Variants in CDC40 observed in about 807,000 individuals in gnomAD.
CDC40 encodes the protein cell division cycle 40, also known as pre-mRNA-processing factor 17.
CDC40 carries 27 observed loss-of-function variants against 80.6 expected under a neutral mutation model. The ratio of observed to expected loss-of-function variants is 0.33; its 90% CI spans 0.25 to 0.46. CDC40 has a LOEUF of 0.46. Among genes scored for constraint, CDC40 ranks in the 20% least tolerant of loss-of-function variants. CDC40 has a pLI of 1.00. For missense variants in CDC40, 486 were observed against 694.1 expected, an observed-to-expected ratio of 0.70 and a Z score of 3.37; for synonymous variants, 221 against 232.6, an observed-to-expected ratio of 0.95 and a Z score of 0.45.
Position 110,193,214 on chromosome 6 carries a change from T to A in CDC40, c.222T>A (p.Pro74=), listed in dbSNP as rs371145621. 11 of 1,609,664 alleles carry A rather than the reference T, an allele frequency of 6.8e-6. No homozygotes were observed. The highest frequency in any genetic ancestry group is 8.5e-6 in the Non-Finnish European group (10 of 1,175,980). Residue 74 remains proline (P), a synonymous_variant, in exon 2 of 15, where the codon CCT becomes CCA. Transcript: ENST00000307731. ...EDLETGVHLD[P]AVKEVQYNPT... ...TGGAGACTGGAGTTCACCTTGACCC[T>A]GCCGTCAAAGAAGTTCAGTATAATC... is the stretch of plus-strand genomic sequence containing the variant.
intron 2 of CDC40, chr6:110,198,830 T>C (rs1777453155): frequency 6.6e-6 from 1 of 152,232 alleles, no homozygotes; most frequent in Non-Finnish European, 1.5e-5. Flanking sequence ...CTCAGTTAAC[T>C]ACCAAAACTT....
At chr6:110,189,394 G>T (rs182969397) in intron 1 of CDC40, among the ~76,000 whole-genome samples, 32 of 152,290 alleles carry the variant, frequency 2.1e-4, no homozygotes, top group Admixed American at 1.4e-3. Context: ...CTGGCACATA[G>T]TAGGCACACA....
At chr6:110,206,820 T>A (rs558862847) in intron 3 of CDC40, among the ~76,000 whole-genome samples, 3 of 152,356 alleles carry the variant, frequency 2.0e-5, no homozygotes, top group Admixed American at 2.0e-4. Context: ...AAATGGTTTC[T>A]AGATTTCCAA....
chr6:110,213,517 G>C (rs1264403378), intron 8 of CDC40, among the ~76,000 whole-genome samples: 2 of 151,534 alleles, frequency 1.3e-5, no homozygotes, highest in African/African-American at 4.9e-5. Context: ...GGCCTCCCCA[G>C]TAGCTAGGAC....
At chr6:110,210,969 C>A (rs1777630246) in intron 6 of CDC40, 166 bp downstream of exon 6, 2 of 305,254 alleles carry the variant, frequency 6.6e-6, no homozygotes, top group Non-Finnish European at 1.3e-5. Context: ...CAGCAGACTT[C>A]TGTATACTGA....
At position 110,211,918 on chromosome 6, in the gene CDC40, G is replaced by A. The variant is rs559710373; in HGVS notation, c.728-215G>A. 4 of 488,756 alleles carry A rather than the reference G, an allele frequency of 8.2e-6. 1 individual carries two copies. The highest frequency in any genetic ancestry group is 3.4e-5 in the East Asian group (1 of 29,278). 30.3% of individuals were successfully genotyped at this position (488,756 alleles called of 1,614,324 possible). A position where few individuals can be genotyped will look rare whatever the true frequency, so the allele number is the denominator to read the frequency against. On this transcript the variant is annotated intron_variant, in intron 6 of 14. Coordinates refer to ENST00000307731, the MANE Select transcript of CDC40 (RefSeq NM_015891.3). The stretch of plus-strand genomic sequence containing the variant: ...AAGGTCTATAATCTCTGGATATTTA[G>A]GAATTTCGAAATACTACCTCTAGTT...
Position 110,229,465 on chromosome 6 carries a change from G to A in CDC40, c.1562+489G>A, listed in dbSNP as rs180941847. On this transcript the variant is annotated intron_variant, in intron 14 of 14. Transcript: ENST00000307731. Reference sequence around the variant, plus strand: ...CTACAGCATGGTTCTTAGTTAAAATGTATAGGCAGAAGTAATTTAGAAATC... The same window carrying A: ...CTACAGCATGGTTCTTAGTTAAAATATATAGGCAGAAGTAATTTAGAAATC... 3.2e-3 allele frequency among the ~76,000 whole-genome samples: 482 copies of A among 152,306 alleles called. 2 individuals carry two copies. Among genetic ancestry groups the A allele is most frequent in the Non-Finnish European group, 4.7e-3 (321 of 68,004 alleles).
At chr6:110,212,353 A>G (rs1181933937) in intron 7 of CDC40, 81 bp downstream of exon 7, 2 of 1,395,812 alleles carry the variant, frequency 1.4e-6, no homozygotes, top group African/African-American at 2.8e-5. Flanking sequence ...GATGTGGAAC[A>G]TTTAGTATTT....
chr6:110,186,124 A>G (rs1777266592), intron 1 of CDC40, among the ~76,000 whole-genome samples: 1 of 152,184 alleles, frequency 6.6e-6, no homozygotes, highest in Non-Finnish European at 1.5e-5. Flanking sequence ...CATCCTCCAC[A>G]AGATGATGGT....
intron 12 of CDC40, among the ~76,000 whole-genome samples, chr6:110,221,594 C>T (rs1036642508): frequency 3.3e-5 from 5 of 152,106 alleles, no homozygotes. Flanking sequence ...TTTATATGAG[C>T]CACCTTAGAT....
At chr6:110,183,480 CG>C (rs1777226580) in intron 1 of CDC40, among the ~76,000 whole-genome samples, 1 of 152,122 alleles carries the variant, frequency 6.6e-6, no homozygotes, top group Admixed American at 6.5e-5. Context: ...GGAAAGGCTG[CG>C]TAAGGTACCA....
chr6:110,206,856 G>A (rs1350921346), intron 3 of CDC40, among the ~76,000 whole-genome samples: 1 of 152,164 alleles, frequency 6.6e-6, no homozygotes, highest in Admixed American at 6.5e-5. Flanking sequence ...GTATTTTCAA[G>A]CTCTTAGAAT....
Position 110,213,157 on chromosome 6 carries a change from T to G in CDC40, c.939T>G (p.Ile313Met). Residue 313 changes from isoleucine to methionine, a missense_variant, in exon 8 of 15, where the codon ATT becomes ATG. Coordinates refer to ENST00000307731, the MANE Select transcript of CDC40 (RefSeq NM_015891.3). ...TGTCTTGTTCCATGGACTGTAAAATTAAGGTGAGTTTTCAGTAACAGAGTA... is the reference window on the plus strand; with the variant it reads ...TGTCTTGTTCCATGGACTGTAAAATGAAGGTGAGTTTTCAGTAACAGAGTA... ...LLLSCSMDCKIKLWEVYGERR... is the reference protein window; with the variant it reads ...LLLSCSMDCKMKLWEVYGERR... 1 of 1,590,812 alleles carries G rather than the reference T, an allele frequency of 6.3e-7. No individual in the cohort carries two copies. The highest frequency in any genetic ancestry group is 1.1e-5 in the South Asian group (1 of 90,594).
chr6:110,228,718 T>G, intron 13 of CDC40, 114 bp from the exon 14 acceptor site: 1 of 725,966 alleles, frequency 1.4e-6, no homozygotes, highest in Non-Finnish European at 2.1e-6. Flanking sequence ...TTTTTAGTAT[T>G]ATAAAGTATT....
Position 110,219,727 on chromosome 6 carries a change from G to A in CDC40, c.1207-9G>A. 1 of 1,611,624 alleles carries A rather than the reference G, an allele frequency of 6.2e-7. No individual in the cohort carries two copies. The highest frequency in any genetic ancestry group is 1.3e-5 in the African/African-American group (1 of 74,830). The stretch of plus-strand genomic sequence containing the variant: ...TCTGTCTTTACCTTTTTTCTTGCCT[G>A]ATACACAGTGGGACATTCGAAGTGG... On this transcript the variant is annotated splice_polypyrimidine_tract_variant and intron_variant, in intron 11 of 14. Coordinates refer to ENST00000307731, the MANE Select transcript of CDC40 (RefSeq NM_015891.3).
chr6:110,200,423 C>G (rs1245362107), intron 2 of CDC40, among the ~76,000 whole-genome samples: 1 of 151,888 alleles, frequency 6.6e-6, no homozygotes, highest in African/African-American at 2.4e-5. Flanking sequence ...CAAAATAATT[C>G]ATCATGACGG....
At chr6:110,193,550 G>A (rs978416834) in intron 2 of CDC40, among the ~76,000 whole-genome samples, 15 of 151,894 alleles carry the variant, frequency 9.9e-5, no homozygotes, top group African/African-American at 3.4e-4. Context: ...GACTACAGGC[G>A]CCCACCACCA....
intron 2 of CDC40, 145 bp from the exon 3 acceptor site, chr6:110,201,413 A>C (rs901313956): frequency 6.7e-5 from 34 of 511,190 alleles, no homozygotes; most frequent in Non-Finnish European, 1.1e-4. Context: ...GCCCAGCTGC[A>C]CTGAACCGTA....
At chr6:110,213,245 T>G in intron 8 of CDC40, 85 bp downstream of exon 8, 1 of 900,836 alleles carries the variant, frequency 1.1e-6, no homozygotes, top group Non-Finnish European at 1.8e-6. Context: ...AAATTTGGGT[T>G]TGTTAGGCAA....
Sources: gnomAD v4.1 joint callset for allele counts (sites outside exome capture counted in the v4.1 genomes callset) on GRCh38, gnomAD v4.1.1 for gene constraint, MANE v1.5 for transcripts, NCBI Gene and HGNC (gene_info 2026-07-23, HGNC 2026-07-21) for gene names.